The following LVRN variants were observed in gnomAD, a reference collection of about 807,000 sequenced individuals.
LVRN encodes the protein aminopeptidase Q.
In LVRN, 99 loss-of-function variants were observed where a neutral mutation model predicts 111.4. The ratio of observed to expected loss-of-function variants is 0.89; its 90% CI spans 0.76 to 1.05. The LOEUF (loss-of-function observed/expected upper bound fraction) is 1.05, where lower values mean the gene tolerates loss of function less well. Among genes scored for constraint, LVRN ranks in the 50% least tolerant of loss-of-function variants. LVRN has a pLI of 0.00. For missense variants in LVRN, 1,414 were observed against 1,206.8 expected (o/e 1.17, Z -2.54); for synonymous variants, 488 against 449.5 (o/e 1.09, Z -1.08).
At chr5:116,022,270 C>G (rs1474739131) in intron 18 of LVRN, 121 bp from the exon 19 acceptor site, 7 of 676,846 alleles carry the variant, frequency 1.0e-5, no homozygotes, top group African/African-American at 1.9e-5. Context: ...CATGTTTTTA[C>G]TTAGATTTGT....
At chr5:115,972,684 GCATT>G (rs1753353129) in intron 1 of LVRN, among the ~76,000 whole-genome samples, 1 of 151,890 alleles carries the variant, frequency 6.6e-6, no homozygotes, top group African/African-American at 2.4e-5. Context: ...TAGGGTGAAA[GCATT>G]CAGTCTTCCA....
intron 19 of LVRN, among the ~76,000 whole-genome samples, chr5:116,025,393 C>T (rs1382843441): frequency 6.6e-6 from 1 of 152,142 alleles, no homozygotes; most frequent in African/African-American, 2.4e-5. Context: ...ATTGAAAAAA[C>T]TTATAACTTA....
chr5:116,022,758 G>A (rs1351553573), intron 19 of LVRN, among the ~76,000 whole-genome samples: 1 of 152,128 alleles, frequency 6.6e-6, no homozygotes, highest in Non-Finnish European at 1.5e-5. Context: ...TGCCATCACT[G>A]CCAGTCATTG....
chr5:116,017,420 G>A (rs1429056081), intron 18 of LVRN, among the ~76,000 whole-genome samples: 2 of 152,162 alleles, frequency 1.3e-5, no homozygotes, highest in Non-Finnish European at 1.5e-5. Flanking sequence ...TAACACTATT[G>A]GAGGTCAATT....
At chr5:115,981,431 T>C (rs543014749) in intron 1 of LVRN, among the ~76,000 whole-genome samples, 1 of 152,096 alleles carries the variant, frequency 6.6e-6, no homozygotes, top group Non-Finnish European at 1.5e-5. Context: ...CCTAGAACAC[T>C]TTTTTTCAAT....
At position 116,012,412 on chromosome 5, in the gene LVRN, T is replaced by G; in HGVS notation, c.2286T>G (p.Ile762Met). 1 of 1,542,224 alleles carries G rather than the reference T, an allele frequency of 6.5e-7. No homozygotes were observed. Among genetic ancestry groups the G allele is most frequent in the Admixed American group, 1.7e-5 (1 of 57,174 alleles). The stretch of plus-strand genomic sequence containing the variant: ...AGAGACTTAATTTAATATGGAATAT[T>G]TATTCAACTATAATTCGTGAAAATG... ...LLKRLNLIWN[I>M]YSTIIRENVL... Residue 762 changes from isoleucine (I) to methionine (M), a missense_variant, in exon 15 of 20, where the codon ATT (isoleucine) becomes ATG (methionine). Transcript: ENST00000357872.
intron 19 of LVRN, among the ~76,000 whole-genome samples, chr5:116,024,623 C>T (rs1223760881): frequency 6.6e-6 from 1 of 152,104 alleles, no homozygotes; most frequent in Non-Finnish European, 1.5e-5. Context: ...TTCTAAAATT[C>T]GTTAGTTCAA....
At chr5:116,005,099 T>G (rs747825418) in intron 12 of LVRN, among the ~76,000 whole-genome samples, 1 of 152,212 alleles carries the variant, frequency 6.6e-6, no homozygotes. Flanking sequence ...ACATAATTGG[T>G]GAGCAAATAA....
chr5:115,988,332 GT>G (rs36043607), intron 4 of LVRN, among the ~76,000 whole-genome samples: 99,243 of 148,030 alleles, frequency 0.67, 33,556 homozygotes, highest in East Asian at 0.94. Context: ...CCTTTAGTAA[GT>G]TTTTTTTTTT....
rs1348187154 is a variant in LVRN at position 115,983,242 on chromosome 5, G to A, written c.696-45G>A. 11 of 1,481,122 alleles carry A rather than the reference G, an allele frequency of 7.4e-6. No homozygotes were observed. The South Asian group carries it at 1.3e-4, about 17-fold the overall frequency. The allele number at this position is 1,481,122 out of a possible 1,614,324, so 91.7% of individuals were successfully genotyped here. A position where few individuals can be genotyped will look rare whatever the true frequency, so the allele number is the denominator to read the frequency against. On this transcript the variant is annotated intron_variant, in intron 1 of 19. Transcript: ENST00000357872. ...CTCTCAATGTTTTTTTATTCCACTG[G>A]GTTGAAATAAAAATAAATAAAAATT...
In LVRN at chr5:115,976,600, A is replaced by G. The variant is rs567935768; in HGVS notation, c.696-6687A>G. ...AAATTTCCCACTAACTATTGCTTTAATGCCATGCCACAAATGATGTTATGT... is the reference window on the plus strand; with the variant it reads ...AAATTTCCCACTAACTATTGCTTTAGTGCCATGCCACAAATGATGTTATGT... On this transcript the variant is annotated intron_variant, in intron 1 of 19. Transcript: ENST00000357872. Among the ~76,000 whole-genome samples the G allele has an allele frequency of 1.5e-3, 234 of 152,292 alleles. 1 individual carries two copies. Among genetic ancestry groups the G allele is most frequent in the African/African-American group, 5.3e-3 (221 of 41,560 alleles).
At chr5:115,967,631 T>C (rs1027890664) in intron 1 of LVRN, among the ~76,000 whole-genome samples, 1 of 152,198 alleles carries the variant, frequency 6.6e-6, no homozygotes, top group Non-Finnish European at 1.5e-5. Flanking sequence ...ATATAGCTAC[T>C]AAAAATCTTA....
rs1274926073 is a variant in LVRN at position 116,014,536 on chromosome 5, AATATC to A, written c.2450+13_2450+17del. On this transcript the variant is annotated intron_variant, in intron 16 of 19. Coordinates refer to ENST00000357872, the MANE Select transcript of LVRN (RefSeq NM_173800.5). ...GATCATCCAGAAAATGAGTAAGAGT[AATATC>A]ATAATTCCTCTTGTTTTTGTCCTAT... 3.1e-6 allele frequency: 5 copies of A among 1,597,582 alleles called. No homozygotes were observed. In the African/African-American group the frequency reaches 6.7e-5, roughly 21 times the overall value.
intron 2 of LVRN, 96 bp downstream of exon 2, chr5:115,983,525 G>T: frequency 7.5e-7 from 1 of 1,333,828 alleles, no homozygotes; most frequent in Non-Finnish European, 1.0e-6. Flanking sequence ...GTATTATGGT[G>T]TATTATAATT....
chr5:116,011,508 C>A (rs567131175), intron 14 of LVRN, among the ~76,000 whole-genome samples: 1 of 151,872 alleles, frequency 6.6e-6, no homozygotes, highest in Non-Finnish European at 1.5e-5. Flanking sequence ...AAAATCAAAG[C>A]GAAAGTTAGG....
rs1488931706 is a variant in LVRN at position 115,992,654 on chromosome 5, A to G, written c.1260+377A>G. ...AAAGATACCCACATTTCATCAGCAG[A>G]TTGTTATAAATTTCTAGTTGTTGTT... On this transcript the variant is annotated intron_variant, in intron 5 of 19. Coordinates refer to ENST00000357872, the MANE Select transcript of LVRN (RefSeq NM_173800.5). 2.0e-5 allele frequency among the ~76,000 whole-genome samples: 3 copies of G among 152,180 alleles called. No homozygotes were observed. In the East Asian group the frequency reaches 5.8e-4, roughly 29 times the overall value.
rs922687018 is a variant in LVRN at position 115,962,543 on chromosome 5, G to A, written c.-75G>A. On this transcript the variant is annotated 5_prime_UTR_variant, in exon 1 of 20. Transcript: ENST00000357872. ...GAGGAGGGGCAGGGGTCGCAGCACT[G>A]AACACCCTGGCCGGGGTTTTGACAG... The A allele has an allele frequency of 1.4e-6, 2 of 1,394,712 alleles. No individual in the cohort carries two copies. The highest frequency in any genetic ancestry group is 2.0e-6 in the Non-Finnish European group (2 of 1,011,666). The allele number at this position is 1,394,712 out of a possible 1,614,324, so 86.4% of individuals were successfully genotyped here.
chr5:116,023,737 C>T (rs750411559), intron 19 of LVRN: 1 of 152,188 alleles, frequency 6.6e-6, no homozygotes, highest in Non-Finnish European at 1.5e-5. Context: ...CCTCTACACA[C>T]CCAGTAGCAT....
At chr5:115,975,196 C>A (rs111780284) in intron 1 of LVRN, 3 of 479,286 alleles carry the variant, frequency 6.3e-6, no homozygotes, top group Non-Finnish European at 8.3e-6. Context: ...CCTGTCTGGG[C>A]GCACATCTAA....
Sources: gnomAD v4.1 joint callset for allele counts (sites outside exome capture counted in the v4.1 genomes callset) on GRCh38, gnomAD v4.1.1 for gene constraint, MANE v1.5 for transcripts, NCBI Gene and HGNC (gene_info 2026-07-23, HGNC 2026-07-21) for gene names.